ELP4: variants seen among roughly 807,000 people sequenced by gnomAD.
The protein encoded by ELP4 is elongator complex protein 4.
A neutral mutation model predicts 48.9 loss-of-function variants in ELP4; 51 were observed. That is an observed-to-expected ratio of 1.04 (90% CI 0.83 to 1.32). The LOEUF is 1.32. ELP4 is among the 40% of genes most tolerant of loss of function. The pLI, the probability that ELP4 is intolerant of heterozygous loss-of-function variation, is 0.00. For synonymous variants in ELP4, 210 were observed against 189.2 expected (o/e 1.11, Z -0.90); for missense variants, 519 against 514.6 (o/e 1.01, Z -0.08).
At chr11:31,608,840 G>A (rs1428787911) in intron 5 of ELP4, among the ~76,000 whole-genome samples, 2 of 152,104 alleles carry the variant, frequency 1.3e-5, no homozygotes, top group East Asian at 3.9e-4. Context: ...TAAAAATTTA[G>A]ATAAAGCCGA....
chr11:31,778,814 G>T (rs1948303562), intron 9 of ELP4, among the ~76,000 whole-genome samples: 1 of 152,138 alleles, frequency 6.6e-6, no homozygotes, highest in South Asian at 2.1e-4. Context: ...GAACCTGTGT[G>T]TTCTAAGGTA....
At chr11:31,764,471 C>T (rs924989335) in intron 9 of ELP4, among the ~76,000 whole-genome samples, 1 of 152,178 alleles carries the variant, frequency 6.6e-6, no homozygotes, top group Non-Finnish European at 1.5e-5. Flanking sequence ...TCATTTGTCT[C>T]AGGGAGCACT....
chr11:31,531,983 G>A (rs1311899103), intron 2 of ELP4, among the ~76,000 whole-genome samples: 1 of 152,156 alleles, frequency 6.6e-6, no homozygotes, highest in Non-Finnish European at 1.5e-5. Context: ...GGATAAAAAG[G>A]AAAGGGAAGA....
chr11:31,694,268 T>C (rs1946350202), intron 9 of ELP4, among the ~76,000 whole-genome samples: 1 of 152,124 alleles, frequency 6.6e-6, no homozygotes, highest in South Asian at 2.1e-4. Flanking sequence ...ATTGCCTAGG[T>C]TTTCTTCTAG....
At chr11:31,558,380 G>T (rs1212883693) in intron 3 of ELP4, among the ~76,000 whole-genome samples, 1 of 152,064 alleles carries the variant, frequency 6.6e-6, no homozygotes, top group Non-Finnish European at 1.5e-5. Flanking sequence ...AGAATAAACC[G>T]ACTCTCCAAC....
intron 3 of ELP4, among the ~76,000 whole-genome samples, chr11:31,564,807 T>G (rs1374243727): frequency 4.6e-5 from 7 of 152,206 alleles, no homozygotes; most frequent in Admixed American, 2.0e-4. Context: ...GTTCCAAGTC[T>G]TTGCTATTGT....
intron 5 of ELP4, among the ~76,000 whole-genome samples, chr11:31,607,700 A>C (rs555850418): frequency 6.6e-6 from 1 of 152,362 alleles, no homozygotes; most frequent in South Asian, 2.1e-4. Context: ...TACAGTTGGT[A>C]GTCAATAGAA....
At chr11:31,648,593 G>A (rs1945255426) in intron 8 of ELP4, 1 of 151,290 alleles carries the variant, frequency 6.6e-6, no homozygotes, top group Admixed American at 6.6e-5. Flanking sequence ...ATTATTCTTA[G>A]TATAAATAAA....
intron 9 of ELP4, among the ~76,000 whole-genome samples, chr11:31,676,701 C>G (rs944397371): frequency 5.3e-5 from 8 of 152,206 alleles, no homozygotes; most frequent in Admixed American, 1.3e-4. Flanking sequence ...AGGCACTTTG[C>G]TGGTATTATT....
At chr11:31,616,230 A>T (rs906670622) in intron 5 of ELP4, among the ~76,000 whole-genome samples, 17 of 152,092 alleles carry the variant, frequency 1.1e-4, no homozygotes, top group African/African-American at 4.1e-4. Context: ...AAAATTGCGT[A>T]TAAGGACAGA....
At chr11:31,611,772 G>T (rs1465558209) in intron 5 of ELP4, among the ~76,000 whole-genome samples, 2 of 152,156 alleles carry the variant, frequency 1.3e-5, no homozygotes, top group Non-Finnish European at 1.5e-5. Flanking sequence ...GGTCCAATAA[G>T]AAAGCACATA....
At chr11:31,541,031 A>G (rs1189424224) in intron 3 of ELP4, among the ~76,000 whole-genome samples, 2 of 152,212 alleles carry the variant, frequency 1.3e-5, no homozygotes, top group Admixed American at 6.5e-5. Context: ...ATTTGAATAG[A>G]GTTCATAATC....
At chr11:31,715,590 A>G (rs1946828137) in intron 9 of ELP4, among the ~76,000 whole-genome samples, 2 of 152,202 alleles carry the variant, frequency 1.3e-5, no homozygotes, top group South Asian at 4.1e-4. Context: ...TGTGGAACCA[A>G]CAAGCAAGTA....
chr11:31,568,488 A>G (rs1388998688), intron 3 of ELP4, among the ~76,000 whole-genome samples: 1 of 152,244 alleles, frequency 6.6e-6, no homozygotes, highest in Non-Finnish European at 1.5e-5. Flanking sequence ...CTAAGCAAAA[A>G]GAACAAAACA....
At chr11:31,763,748 G>A (rs1309674628) in intron 9 of ELP4, among the ~76,000 whole-genome samples, 2 of 151,652 alleles carry the variant, frequency 1.3e-5, no homozygotes, top group African/African-American at 4.9e-5. Context: ...TGTTCAGAAT[G>A]GTACCTTTTT....
intron 9 of ELP4, among the ~76,000 whole-genome samples, chr11:31,781,488 CTTTTTTTTTT>C (rs141365629): frequency 4.4e-5 from 3 of 67,436 alleles, no homozygotes; most frequent in South Asian, 7.2e-4. Flanking sequence ...ATTCCTGAGC[CTTTTTTTTTT>C]TTTTTTTTTT....
chr11:31,723,044 A>G (rs565362098), intron 9 of ELP4, among the ~76,000 whole-genome samples: 58 of 152,288 alleles, frequency 3.8e-4, no homozygotes, highest in Non-Finnish European at 1.9e-4. Flanking sequence ...AGGTGGCAAG[A>G]AGCTTACCCC....
chr11:31,658,759 A>T (rs887758777), intron 9 of ELP4, among the ~76,000 whole-genome samples: 1 of 152,014 alleles, frequency 6.6e-6, no homozygotes, highest in Non-Finnish European at 1.5e-5. Context: ...ATCAAAAATT[A>T]TCCTGTGAGA....
intron 7 of ELP4, among the ~76,000 whole-genome samples, chr11:31,635,437 T>G (rs1944953791): frequency 6.6e-6 from 1 of 151,980 alleles, no homozygotes; most frequent in Non-Finnish European, 1.5e-5. Flanking sequence ...GACTTTAGAC[T>G]TAAGTAGTCT....
Sources: allele counts gnomAD v4.1 joint callset (sites outside exome capture counted in the v4.1 genomes callset), GRCh38; gene constraint gnomAD v4.1.1; transcripts MANE v1.5; gene names NCBI Gene and HGNC (gene_info 2026-07-23, HGNC 2026-07-21).